Variants in CDC42BPA observed in about 807,000 individuals in gnomAD.
CDC42BPA encodes the protein CDC42 binding protein kinase alpha.
A neutral mutation model predicts 223.5 loss-of-function variants in CDC42BPA; 80 were observed. That is an observed-to-expected ratio of 0.36 (90% CI 0.30 to 0.43). The LOEUF (loss-of-function observed/expected upper bound fraction) is 0.43. Ranked by LOEUF, CDC42BPA falls within the 20% of genes least tolerant of loss-of-function variation. CDC42BPA has a pLI of 1.00. For missense variants in CDC42BPA, 1,743 were observed against 2,099.9 expected (o/e 0.83, Z 3.32); for synonymous variants, 694 against 718.6 (o/e 0.97, Z 0.55).
intron 21 of CDC42BPA, among the ~76,000 whole-genome samples, chr1:227,060,063 G>A (rs1244384290): frequency 1.7e-5 from 2 of 120,152 alleles, no homozygotes; most frequent in African/African-American, 3.2e-5. Context: ...CGGGAGTCTC[G>A]CTCTGTCGCC....
chr1:227,021,117 T>C (rs1385111931), intron 32 of CDC42BPA, among the ~76,000 whole-genome samples: 1 of 152,170 alleles, frequency 6.6e-6, no homozygotes, highest in Non-Finnish European at 1.5e-5. Context: ...TTTGGATCAC[T>C]GATCACAGAT....
intron 15 of CDC42BPA, among the ~76,000 whole-genome samples, chr1:227,098,399 C>A (rs546070587): frequency 6.6e-6 from 1 of 152,292 alleles, no homozygotes; most frequent in Admixed American, 6.5e-5. Flanking sequence ...TATACATCAG[C>A]CTATTTGACA....
Position 227,209,201 on chromosome 1 carries a change from G to C in CDC42BPA, c.354+3935C>G, listed in dbSNP as rs553262512. Among the ~76,000 whole-genome samples the C allele has an allele frequency of 3.4e-3, 489 of 145,502 alleles. 4 individuals carry two copies. Among genetic ancestry groups the C allele is most frequent in the African/African-American group, 0.012 (468 of 38,810 alleles). On this transcript the variant is annotated intron_variant, in intron 3 of 36. Coordinates refer to ENST00000366766, the MANE Select transcript of CDC42BPA (RefSeq NM_001394014.1). ...AGAATGCTTGTGATTTTTGTACATTGATTTTGTATCCTGAGACTTTGCTGA... is the reference window on the plus strand; with the variant it reads ...AGAATGCTTGTGATTTTTGTACATTCATTTTGTATCCTGAGACTTTGCTGA...
chr1:227,104,380 A>G (rs1172894677), intron 14 of CDC42BPA, among the ~76,000 whole-genome samples: 1 of 152,188 alleles, frequency 6.6e-6, no homozygotes, highest in African/African-American at 2.4e-5. Context: ...GGTTATGCGG[A>G]TAGTCTTCTT....
chr1:227,273,053 G>A (rs902218260), intron 1 of CDC42BPA, among the ~76,000 whole-genome samples: 3 of 151,892 alleles, frequency 2.0e-5, no homozygotes, highest in Non-Finnish European at 4.4e-5. Context: ...AGCACTTTGG[G>A]AGGCCAAGGT....
intron 2 of CDC42BPA, among the ~76,000 whole-genome samples, chr1:227,222,052 CAAAAA>C (rs60588018): frequency 0.098 from 8,431 of 86,324 alleles, 329 homozygotes; most frequent in African/African-American, 0.15. Context: ...CTATCTCTAC[CAAAAA>C]AAAAAAAAAA....
intron 3 of CDC42BPA, among the ~76,000 whole-genome samples, chr1:227,203,070 C>G (rs1672064007): frequency 6.6e-6 from 1 of 152,132 alleles, no homozygotes; most frequent in African/African-American, 2.4e-5. Context: ...TTTTCTTGGT[C>G]AATCTTATTT....
intron 2 of CDC42BPA, among the ~76,000 whole-genome samples, chr1:227,242,149 T>C (rs977918977): frequency 2.6e-5 from 4 of 151,796 alleles, no homozygotes; most frequent in Non-Finnish European, 5.9e-5. Flanking sequence ...ATAATATCAA[T>C]ATTAGCCAAA....
At chr1:227,069,442 G>T in intron 21 of CDC42BPA, 1 of 168,960 alleles carries the variant, frequency 5.9e-6, no homozygotes, top group East Asian at 1.6e-4. Flanking sequence ...TTTTATTGTG[G>T]CACTATGCTT....
chr1:227,188,212 A>G (rs1669147114), intron 5 of CDC42BPA, among the ~76,000 whole-genome samples: 1 of 152,202 alleles, frequency 6.6e-6, no homozygotes, highest in African/African-American at 2.4e-5. Context: ...CATGAAATAA[A>G]TGACAGCAAT....
At chr1:227,205,283 A>AAT (rs71180715) in intron 3 of CDC42BPA, among the ~76,000 whole-genome samples, 167 of 122,746 alleles carry the variant, frequency 1.4e-3, no homozygotes, top group East Asian at 8.3e-3. Context: ...AAAAAAAAAA[A>AAT]ATATATATAT....
intron 1 of CDC42BPA, among the ~76,000 whole-genome samples, chr1:227,281,128 A>C (rs1687949896): frequency 6.6e-6 from 1 of 152,218 alleles, no homozygotes. Context: ...ATACTGAGCC[A>C]TGTGAAAATC....
intron 34 of CDC42BPA, among the ~76,000 whole-genome samples, chr1:227,015,791 G>A (rs1016759890): frequency 2.6e-5 from 4 of 152,120 alleles, no homozygotes; most frequent in Non-Finnish European, 5.9e-5. Flanking sequence ...GAACCTCTCC[G>A]AATTTGGTAG....
At chr1:227,260,397 T>A (rs1355816) in intron 1 of CDC42BPA, among the ~76,000 whole-genome samples, 4,786 of 151,032 alleles carry the variant, frequency 0.032, 512 homozygotes, top group African/African-American at 0.11. Context: ...ATGCCTGGTA[T>A]ACCTTGCAAG....
intron 5 of CDC42BPA, among the ~76,000 whole-genome samples, chr1:227,184,905 G>A (rs1362447722): frequency 6.6e-6 from 1 of 152,098 alleles, no homozygotes; most frequent in Non-Finnish European, 1.5e-5. Flanking sequence ...ATTATTAGCT[G>A]CTCTACTAAT....
At chr1:227,243,966 C>A (rs1470373416) in intron 2 of CDC42BPA, among the ~76,000 whole-genome samples, 2 of 149,090 alleles carry the variant, frequency 1.3e-5, no homozygotes, top group African/African-American at 5.0e-5. Flanking sequence ...TCAAGAAATG[C>A]GAAATGAAAT....
Position 227,276,512 on chromosome 1 carries a change from G to A in CDC42BPA, c.179-22357C>T, listed in dbSNP as rs577750970. ...GGGAGGTGGGGGGCAGCCCCCTCCC[G>A]GCAGTCACCCCGTCCGGGAGGTGCG... is the stretch of plus-strand genomic sequence containing the variant. On this transcript the variant is annotated intron_variant, in intron 1 of 36. Transcript: ENST00000366766. Among the ~76,000 whole-genome samples the A allele has an allele frequency of 2.7e-5, 4 of 150,414 alleles. No homozygotes were observed. The East Asian group carries it at 8.0e-4, about 30-fold the overall frequency.
chr1:227,271,871 C>T (rs79392739), intron 1 of CDC42BPA, among the ~76,000 whole-genome samples: 9,112 of 152,206 alleles, frequency 0.06, 277 homozygotes, highest in Non-Finnish European at 0.073. Flanking sequence ...TCAGTTATCA[C>T]ACCACTAATA....
At chr1:227,309,558 A>C (rs1693160983) in intron 1 of CDC42BPA, among the ~76,000 whole-genome samples, 1 of 152,234 alleles carries the variant, frequency 6.6e-6, no homozygotes, top group Non-Finnish European at 1.5e-5. Flanking sequence ...ACACTGCAAA[A>C]AACAATACTT....
Sources: allele counts gnomAD v4.1 joint callset (sites outside exome capture counted in the v4.1 genomes callset), GRCh38; gene constraint gnomAD v4.1.1; transcripts MANE v1.5; gene names NCBI Gene and HGNC (gene_info 2026-07-23, HGNC 2026-07-21).